SMAD5: variants seen among roughly 807,000 people sequenced by gnomAD.
SMAD5 encodes the protein SMAD family member 5.
A neutral mutation model predicts 43.1 loss-of-function variants in SMAD5; 9 were observed. The ratio of observed to expected loss-of-function variants is 0.21; its 90% CI spans 0.13 to 0.36. The LOEUF is 0.36. Ranked by LOEUF, SMAD5 falls within the 10% of genes least tolerant of loss-of-function variation. The pLI is 1.00. For missense variants in SMAD5, 348 were observed against 574.0 expected, an observed-to-expected ratio of 0.61 and a Z score of 4.02; for synonymous variants, 190 against 192.4, an observed-to-expected ratio of 0.99 and a Z score of 0.10.
At chr5:136,174,163 C>G (rs4146187) in intron 6 of SMAD5, among the ~76,000 whole-genome samples, 7 of 151,648 alleles carry the variant, frequency 4.6e-5, no homozygotes, top group African/African-American at 1.7e-4. Context: ...ATAACTTAAT[C>G]TGCTGCCTAT....
chr5:136,146,680 A>G (rs1194536985), intron 1 of SMAD5, among the ~76,000 whole-genome samples: 1 of 151,798 alleles, frequency 6.6e-6, no homozygotes, highest in Non-Finnish European at 1.5e-5. Context: ...TTTTGGACCA[A>G]GGTGTTATTT....
intron 2 of SMAD5, among the ~76,000 whole-genome samples, chr5:136,150,488 T>C (rs1753418138): frequency 6.6e-6 from 1 of 151,962 alleles, no homozygotes; most frequent in Non-Finnish European, 1.5e-5. Context: ...TTTTGTACTG[T>C]ATTTGGGAAG....
chr5:136,143,980 C>T (rs1451920088), intron 1 of SMAD5, among the ~76,000 whole-genome samples: 1 of 151,806 alleles, frequency 6.6e-6, no homozygotes, highest in East Asian at 1.9e-4. Flanking sequence ...CTTTCTGTTC[C>T]ATGTATGTAC....
Position 136,163,282 on chromosome 5 carries a change from T to G in SMAD5, c.666T>G (p.Pro222=), listed in dbSNP as rs748728739. Residue 222 remains proline (P), a synonymous_variant, in exon 5 of 8, where the codon CCT becomes CCG. Coordinates refer to ENST00000545279, the MANE Select transcript of SMAD5 (RefSeq NM_005903.7). ...TTTTTTTCCTCTTAGCTGATACGCC[T>G]CCTCCTGCCTATATGCCACCTGATG... is the stretch of plus-strand genomic sequence containing the variant. ...GSPFQLPADT[P]PPAYMPPDDQ... The G allele has an allele frequency of 1.0e-5, 16 of 1,607,672 alleles. No individual in the cohort carries two copies. The East Asian group carries it at 3.4e-4, about 34-fold the overall frequency.
chr5:136,151,239 A>G (rs1753447558), intron 2 of SMAD5, among the ~76,000 whole-genome samples: 1 of 152,082 alleles, frequency 6.6e-6, no homozygotes, highest in Non-Finnish European at 1.5e-5. Context: ...AAAGTAAATA[A>G]ACAAAGTTGA....
intron 5 of SMAD5, among the ~76,000 whole-genome samples, chr5:136,165,760 CTTT>C (rs1280607705): frequency 8.9e-6 from 1 of 112,190 alleles, no homozygotes; most frequent in Non-Finnish European, 1.7e-5. Context: ...AATTTCATTT[CTTT>C]TTAAGGTTGA....
At chr5:136,152,287 TA>T (rs1035377625) in intron 2 of SMAD5, among the ~76,000 whole-genome samples, 3 of 152,160 alleles carry the variant, frequency 2.0e-5, no homozygotes, top group Admixed American at 6.5e-5. Context: ...CTACTTGGCA[TA>T]ACTTTTTTTA....
Position 136,161,103 on chromosome 5 carries a change from C to G in SMAD5, c.651C>G (p.Leu217=). The G allele has an allele frequency of 6.2e-7, 1 of 1,612,612 alleles. No homozygotes were observed. Among genetic ancestry groups the G allele is most frequent in the Non-Finnish European group, 8.5e-7 (1 of 1,179,584 alleles). ...ASSGPGSPFQ[L]PADTPPPAYM... is the part of the protein sequence containing the mutation. ...CTGGACCAGGAAGTCCATTTCAGCT[C>G]CCAGGTAAGACTTTATTTTATTGAT... Residue 217 remains leucine, a synonymous_variant, in exon 4 of 8, where the codon CTC becomes CTG. Transcript: ENST00000545279.
At chr5:136,150,489 A>G (rs1213394746) in intron 2 of SMAD5, among the ~76,000 whole-genome samples, 1 of 151,914 alleles carries the variant, frequency 6.6e-6, no homozygotes, top group Non-Finnish European at 1.5e-5. Context: ...TTTGTACTGT[A>G]TTTGGGAAGT....
At chr5:136,169,008 G>A (rs116303854) in intron 5 of SMAD5, among the ~76,000 whole-genome samples, 162 of 152,234 alleles carry the variant, frequency 1.1e-3, no homozygotes, top group African/African-American at 3.8e-3. Context: ...TGATCACAAG[G>A]TAAAGTCCCA....
chr5:136,169,039 G>A (rs1365580552), intron 5 of SMAD5, among the ~76,000 whole-genome samples: 2 of 152,170 alleles, frequency 1.3e-5, no homozygotes, highest in African/African-American at 4.8e-5. Flanking sequence ...TCTGCAAGTT[G>A]AGGAACAAGG....
chr5:136,149,965 A>C (rs1753398289), intron 2 of SMAD5, among the ~76,000 whole-genome samples: 1 of 151,842 alleles, frequency 6.6e-6, no homozygotes, highest in South Asian at 2.1e-4. Context: ...CACCAAAGTC[A>C]CTGGCCTTTT....
chr5:136,155,061 C>T (rs1354973379), intron 3 of SMAD5, among the ~76,000 whole-genome samples: 1 of 152,196 alleles, frequency 6.6e-6, no homozygotes, highest in African/African-American at 2.4e-5. Flanking sequence ...TTAAGATTGT[C>T]TATAAGCTGA....
At chr5:136,142,284 A>T (rs1753107500) in intron 1 of SMAD5, among the ~76,000 whole-genome samples, 1 of 152,184 alleles carries the variant, frequency 6.6e-6, no homozygotes, top group African/African-American at 2.4e-5. Flanking sequence ...ACGGTTTGGG[A>T]AGACTTCCCC....
At chr5:136,135,232 G>C (rs1270776716) in intron 1 of SMAD5, among the ~76,000 whole-genome samples, 2 of 152,228 alleles carry the variant, frequency 1.3e-5, no homozygotes. Context: ...TATGTAACAT[G>C]TTGCTGGGAG....
intron 1 of SMAD5, among the ~76,000 whole-genome samples, chr5:136,137,863 T>G (rs1393497145): frequency 6.6e-6 from 1 of 152,226 alleles, no homozygotes; most frequent in Non-Finnish European, 1.5e-5. Flanking sequence ...TGGGTGCACA[T>G]GAGTTCTCTG....
At chr5:136,170,428 G>A (rs10040784) in intron 5 of SMAD5, among the ~76,000 whole-genome samples, 54,167 of 151,634 alleles carry the variant, frequency 0.36, 10,548 homozygotes, top group African/African-American at 0.53. Context: ...ACTCTATTCT[G>A]CTCCTTTGAT....
In SMAD5 at chr5:136,180,217, A is replaced by G. The variant is rs1264913595; in HGVS notation, c.*2737A>G. On this transcript the variant is annotated 3_prime_UTR_variant, in exon 8 of 8. Coordinates refer to ENST00000545279, the MANE Select transcript of SMAD5 (RefSeq NM_005903.7). ...TAAAATTTGCTAGTAAGATTTTTAA[A>G]AACTGGCTAGTGAAAGGAAAGTACC... 1 of 152,194 alleles carries G rather than the reference A, an allele frequency of 6.6e-6. No homozygotes were observed. The highest frequency in any genetic ancestry group is 1.5e-5 in the Non-Finnish European group (1 of 68,004). The allele number at this position is 152,194 out of a possible 1,614,324, so 9.4% of individuals were successfully genotyped here.
chr5:136,168,897 T>C (rs1436620536), intron 5 of SMAD5, among the ~76,000 whole-genome samples: 1 of 152,176 alleles, frequency 6.6e-6, no homozygotes, highest in African/African-American at 2.4e-5. Context: ...TGATAGCTCA[T>C]TTCTTTTTAG....
Sources: gnomAD v4.1 joint callset for allele counts (sites outside exome capture counted in the v4.1 genomes callset) on GRCh38, gnomAD v4.1.1 for gene constraint, MANE v1.5 for transcripts, NCBI Gene and HGNC (gene_info 2026-07-23, HGNC 2026-07-21) for gene names.